SCHIP1: variants seen among roughly 807,000 people sequenced by gnomAD.
SCHIP1 encodes the protein schwannomin-interacting protein 1.
In SCHIP1, 8 loss-of-function variants were observed where a neutral mutation model predicts 29.7. That is an observed-to-expected ratio of 0.27 (90% CI 0.16 to 0.49). The LOEUF is 0.49. Ranked by LOEUF, SCHIP1 falls within the 20% of genes least tolerant of loss-of-function variation. SCHIP1 has a pLI of 0.99. For missense variants in SCHIP1, 193 were observed against 294.6 expected, an observed-to-expected ratio of 0.66 and a Z score of 2.52; for synonymous variants, 76 against 94.9, an observed-to-expected ratio of 0.80 and a Z score of 1.16.
the SCHIP1 span, among the ~76,000 whole-genome samples, chr3:159,639,056 TA>T: frequency 5.9e-5 from 9 of 152,182 alleles, no homozygotes; most frequent in Non-Finnish European, 1.3e-4. Flanking sequence ...AACTGCTTAT[TA>T]AAAATTGTAA....
the SCHIP1 span, among the ~76,000 whole-genome samples, chr3:159,720,276 C>A: frequency 1.1e-4 from 17 of 151,612 alleles, no homozygotes; most frequent in Admixed American, 1.1e-3. Context: ...AGGAGAAACA[C>A]CTAATGTAAA....
chr3:159,564,060 C>T, the SCHIP1 span, among the ~76,000 whole-genome samples: 45 of 152,262 alleles, frequency 3.0e-4, no homozygotes, highest in African/African-American at 1.0e-3. Context: ...CCAAATCATG[C>T]ACTTTCCTAA....
At chr3:159,717,301 C>A in the SCHIP1 span, among the ~76,000 whole-genome samples, 9 of 152,188 alleles carry the variant, frequency 5.9e-5, no homozygotes, top group South Asian at 2.1e-4. Flanking sequence ...AATTGACACC[C>A]TAACATCACA....
At chr3:159,397,672 G>T in the SCHIP1 span, among the ~76,000 whole-genome samples, 25 of 152,312 alleles carry the variant, frequency 1.6e-4, no homozygotes, top group African/African-American at 6.0e-4. Context: ...GAGGCAGTCT[G>T]CCCGTTCTCA....
chr3:159,757,912 A>G, the SCHIP1 span, among the ~76,000 whole-genome samples: 1 of 152,228 alleles, frequency 6.6e-6, no homozygotes, highest in Non-Finnish European at 1.5e-5. Flanking sequence ...TTCCTAGAGT[A>G]TCTTGTGAAA....
the SCHIP1 span, among the ~76,000 whole-genome samples, chr3:159,354,359 T>C: frequency 1.7e-4 from 26 of 152,338 alleles, no homozygotes; most frequent in African/African-American, 6.3e-4. Flanking sequence ...CATGATACTA[T>C]ATATCTAGAA....
chr3:159,401,727 C>A, the SCHIP1 span, among the ~76,000 whole-genome samples: 1 of 152,154 alleles, frequency 6.6e-6, no homozygotes, highest in African/African-American at 2.4e-5. Flanking sequence ...AGTCCTTGCC[C>A]ATGCCTATGT....
the SCHIP1 span, among the ~76,000 whole-genome samples, chr3:159,502,589 C>T: frequency 6.6e-6 from 1 of 152,138 alleles, no homozygotes; most frequent in East Asian, 1.9e-4. Context: ...GTGTGCTGCA[C>T]CCATTAACTC....
the SCHIP1 span, among the ~76,000 whole-genome samples, chr3:159,508,309 G>A: frequency 1.3e-5 from 2 of 152,114 alleles, no homozygotes; most frequent in Admixed American, 1.3e-4. Context: ...GATCAGTGGT[G>A]ATATCCCCTT....
rs35639147 is a variant in SCHIP1, at chr3:159,859,976, GGTGT to G, written c.31-6171_31-6168del. On this transcript the variant is annotated intron_variant, in intron 1 of 6. Coordinates refer to ENST00000445224, the Ensembl canonical transcript of SCHIP1. ...ATTGGCTTAAAGAAATGTGTGACAG[GGTGT>G]GTGTGTGTGTGTGTGCGTGTGTGTG... is the stretch of plus-strand genomic sequence containing the variant. Among the ~76,000 whole-genome samples, 84 of 150,040 alleles carry G rather than the reference GGTGT, an allele frequency of 5.6e-4. 1 individual carries two copies. In the South Asian group the frequency reaches 8.9e-3, roughly 16 times the overall value.
the SCHIP1 span, among the ~76,000 whole-genome samples, chr3:159,428,987 A>G: frequency 3.7e-4 from 54 of 145,602 alleles, no homozygotes; most frequent in East Asian, 0.011. Flanking sequence ...ATAGGTGGGA[A>G]TTGAACAATG....
the SCHIP1 span, among the ~76,000 whole-genome samples, chr3:159,458,157 A>G: frequency 6.6e-6 from 1 of 152,228 alleles, no homozygotes. Flanking sequence ...GTAATATGAA[A>G]TCACCATGAG....
the SCHIP1 span, among the ~76,000 whole-genome samples, chr3:159,637,703 T>C: frequency 6.6e-6 from 1 of 152,150 alleles, no homozygotes; most frequent in East Asian, 1.9e-4. Context: ...GTGAAATAAT[T>C]AACATTTTCC....
At chr3:159,750,301 A>ACG in the SCHIP1 span, among the ~76,000 whole-genome samples, 1 of 140,106 alleles carries the variant, frequency 7.1e-6, no homozygotes, top group African/African-American at 3.1e-5. Flanking sequence ...ATATATACAC[A>ACG]CACACACACA....
chr3:159,872,651 G>C (rs1715403959), intron 2 of SCHIP1, among the ~76,000 whole-genome samples: 1 of 152,150 alleles, frequency 6.6e-6, no homozygotes, highest in Non-Finnish European at 1.5e-5. Flanking sequence ...ATCATCTTCT[G>C]AGAACACGAT....
the SCHIP1 span, among the ~76,000 whole-genome samples, chr3:159,441,215 T>C: frequency 1.3e-5 from 2 of 152,140 alleles, no homozygotes; most frequent in African/African-American, 4.8e-5. Context: ...ATATGCGCTT[T>C]TCATTACTCT....
the SCHIP1 span, among the ~76,000 whole-genome samples, chr3:159,447,163 T>C: frequency 3.3e-5 from 5 of 152,204 alleles, no homozygotes; most frequent in African/African-American, 1.2e-4. Context: ...TATGTGACCT[T>C]AGTAAGTTAC....
At chr3:159,442,196 C>T in the SCHIP1 span, among the ~76,000 whole-genome samples, 1 of 152,258 alleles carries the variant, frequency 6.6e-6, no homozygotes, top group East Asian at 1.9e-4. Flanking sequence ...AAGAAACAGA[C>T]TCTAGGTTGA....
At chr3:159,399,575 C>T in the SCHIP1 span, among the ~76,000 whole-genome samples, 1 of 152,054 alleles carries the variant, frequency 6.6e-6, no homozygotes, top group South Asian at 2.1e-4. Context: ...TGTGGGAGCC[C>T]CTATTTCTAT....
Sources: allele counts gnomAD v4.1 joint callset (sites outside exome capture counted in the v4.1 genomes callset), GRCh38; gene constraint gnomAD v4.1.1; transcripts MANE v1.5; gene names NCBI Gene and HGNC (gene_info 2026-07-23, HGNC 2026-07-21).